The following ADAMTSL1 variants were observed in gnomAD, a reference collection of about 807,000 sequenced individuals.
ADAMTSL1 encodes ADAMTS-like protein 1.
In ADAMTSL1, 126 loss-of-function variants were observed where a neutral mutation model predicts 201.8. The ratio of observed to expected loss-of-function variants is 0.62; its 90% CI spans 0.54 to 0.72. The LOEUF (loss-of-function observed/expected upper bound fraction) is 0.72. ADAMTSL1 is among the 30% of genes least tolerant of loss of function. The pLI, the probability that ADAMTSL1 is intolerant of heterozygous loss-of-function variation, is 0.00. For missense variants in ADAMTSL1, 2,679 were observed against 2,277.8 expected, an observed-to-expected ratio of 1.18 and a Z score of -3.59; for synonymous variants, 1,121 against 903.4, an observed-to-expected ratio of 1.24 and a Z score of -4.32.
intron 2 of ADAMTSL1, among the ~76,000 whole-genome samples, chr9:18,206,616 T>C (rs888695544): frequency 1.3e-5 from 2 of 152,210 alleles, no homozygotes; most frequent in Non-Finnish European, 2.9e-5. Context: ...GTCAAAATTA[T>C]GTTACCACAT....
At chr9:18,539,205 C>A (rs1819980183) in intron 3 of ADAMTSL1, among the ~76,000 whole-genome samples, 1 of 152,176 alleles carries the variant, frequency 6.6e-6, no homozygotes, top group Non-Finnish European at 1.5e-5. Flanking sequence ...TTTAAAACAG[C>A]ATTTATTGAA....
intron 13 of ADAMTSL1, among the ~76,000 whole-genome samples, chr9:18,705,266 C>T (rs764889499): frequency 6.6e-6 from 1 of 151,998 alleles, no homozygotes; most frequent in Non-Finnish European, 1.5e-5. Context: ...CTCTGCAGCA[C>T]GACTCCCTGT....
At chr9:18,829,065 C>G (rs1824807898) in intron 22 of ADAMTSL1, among the ~76,000 whole-genome samples, 2 of 152,092 alleles carry the variant, frequency 1.3e-5, no homozygotes, top group African/African-American at 4.8e-5. Flanking sequence ...GGATCTGCTG[C>G]TTTTCCAAGA....
At chr9:18,216,884 C>CTGTGAAATAAG (rs1830076032) in intron 2 of ADAMTSL1, among the ~76,000 whole-genome samples, 1 of 152,074 alleles carries the variant, frequency 6.6e-6, no homozygotes, top group Admixed American at 6.6e-5. Flanking sequence ...CGTTGAAATC[C>CTGTGAAATAAG]TGACTTTACC....
rs180975885 is a variant in ADAMTSL1 at position 18,730,217 on chromosome 9, G to A, written c.2006+8552G>A. On this transcript the variant is annotated intron_variant, in intron 15 of 28. Transcript: ENST00000380548. The stretch of plus-strand genomic sequence containing the variant: ...CCTCATGAACAATTTGACGAGAAGA[G>A]TTTTTCTATTGACCTTATAGTTAGA... Among the ~76,000 whole-genome samples the A allele has an allele frequency of 1.3e-3, 196 of 152,260 alleles. 1 individual carries two copies. The highest frequency in any genetic ancestry group is 4.6e-3 in the African/African-American group (193 of 41,544).
At chr9:18,843,150 C>T (rs1825845143) in intron 23 of ADAMTSL1, among the ~76,000 whole-genome samples, 1 of 150,790 alleles carries the variant, frequency 6.6e-6, no homozygotes. Context: ...TACAATTTGG[C>T]ATGATTTTGC....
intron 9 of ADAMTSL1, among the ~76,000 whole-genome samples, chr9:18,663,909 T>C (rs1427608049): frequency 6.6e-6 from 1 of 152,148 alleles, no homozygotes; most frequent in Non-Finnish European, 1.5e-5. Flanking sequence ...CAAAAGGCCA[T>C]TCTGCAGTGA....
At chr9:18,279,039 T>C in intron 2 of ADAMTSL1, among the ~76,000 whole-genome samples, 1 of 152,218 alleles carries the variant, frequency 6.6e-6, no homozygotes, top group African/African-American at 2.4e-5. Context: ...TTCTCCCTCT[T>C]TATTGAATGT....
intron 21 of ADAMTSL1, among the ~76,000 whole-genome samples, chr9:18,824,401 T>G (rs1379887762): frequency 2.0e-5 from 3 of 152,196 alleles, no homozygotes; most frequent in African/African-American, 7.2e-5. Flanking sequence ...AGAGCCAGAT[T>G]AGCGTGTGCC....
intron 1 of ADAMTSL1, among the ~76,000 whole-genome samples, chr9:17,925,315 G>A (rs2131303282): frequency 8.2e-6 from 1 of 121,616 alleles, no homozygotes; most frequent in Admixed American, 9.1e-5. Context: ...CAGGGATCTA[G>A]AACTAGAAAT....
chr9:18,616,614 A>T (rs1203128416), intron 4 of ADAMTSL1, among the ~76,000 whole-genome samples: 1 of 152,108 alleles, frequency 6.6e-6, no homozygotes, highest in Non-Finnish European at 1.5e-5. Flanking sequence ...AGATTCTCTG[A>T]CTCTTACAAC....
At chr9:18,104,809 T>A (rs1224131410) in intron 1 of ADAMTSL1, among the ~76,000 whole-genome samples, 1 of 152,198 alleles carries the variant, frequency 6.6e-6, no homozygotes, top group African/African-American at 2.4e-5. Flanking sequence ...CATTCAATTA[T>A]TCAAATATTC....
intron 1 of ADAMTSL1, among the ~76,000 whole-genome samples, chr9:18,072,927 A>G (rs1038592326): frequency 4.6e-5 from 7 of 152,190 alleles, no homozygotes; most frequent in African/African-American, 1.7e-4. Context: ...GTCCATTTGC[A>G]GCTTAGGGGA....
chr9:17,965,543 T>C (rs1401783538), intron 1 of ADAMTSL1, among the ~76,000 whole-genome samples: 1 of 152,214 alleles, frequency 6.6e-6, no homozygotes, highest in Non-Finnish European at 1.5e-5. Context: ...CTTATTATTT[T>C]AACTTTATTC....
At chr9:18,149,396 A>G (rs938635666) in intron 1 of ADAMTSL1, among the ~76,000 whole-genome samples, 2 of 152,010 alleles carry the variant, frequency 1.3e-5, no homozygotes, top group Non-Finnish European at 2.9e-5. Flanking sequence ...GTCTATAGGG[A>G]TAAATGGAGA....
At chr9:18,863,112 A>C (rs1453230335) in intron 23 of ADAMTSL1, among the ~76,000 whole-genome samples, 2 of 152,180 alleles carry the variant, frequency 1.3e-5, no homozygotes, top group Admixed American at 1.3e-4. Context: ...ACTCTATCTT[A>C]CAGTACAGTC....
intron 19 of ADAMTSL1, among the ~76,000 whole-genome samples, chr9:18,780,847 G>A (rs11787850): frequency 0.13 from 20,072 of 152,056 alleles, 1,659 homozygotes; most frequent in Non-Finnish European, 0.17. Context: ...TACTGTTCCT[G>A]AATGCATTTA....
At chr9:18,229,145 G>A (rs908195808) in intron 2 of ADAMTSL1, among the ~76,000 whole-genome samples, 6 of 152,116 alleles carry the variant, frequency 3.9e-5, no homozygotes, top group African/African-American at 9.7e-5. Context: ...ATTAGTCCCA[G>A]TATTATTTTA....
chr9:18,305,477 C>A (rs1436451058), intron 2 of ADAMTSL1, among the ~76,000 whole-genome samples: 2 of 152,188 alleles, frequency 1.3e-5, no homozygotes, highest in Non-Finnish European at 2.9e-5. Flanking sequence ...TCGCTGCCAG[C>A]ACAGCAGTCT....
Sources: gnomAD v4.1 joint callset for allele counts (sites outside exome capture counted in the v4.1 genomes callset) on GRCh38, gnomAD v4.1.1 for gene constraint, MANE v1.5 for transcripts, NCBI Gene and HGNC (gene_info 2026-07-23, HGNC 2026-07-21) for gene names.